The following MAP4K4 variants were observed in gnomAD, a reference collection of about 807,000 sequenced individuals.
The protein encoded by MAP4K4 is HPK/GCK-like kinase HGK.
In MAP4K4, 38 loss-of-function variants were observed where a neutral mutation model predicts 189.6. The ratio of observed to expected loss-of-function variants is 0.20; its 90% CI spans 0.15 to 0.26. The LOEUF (loss-of-function observed/expected upper bound fraction) is 0.26, where lower values mean the gene tolerates loss of function less well. MAP4K4 is among the 10% of genes least tolerant of loss of function. The pLI is 1.00. For synonymous variants in MAP4K4, 610 were observed against 624.3 expected (o/e 0.98, Z 0.34); for missense variants, 1,054 against 1,726.9 (o/e 0.61, Z 6.91).
intron 3 of MAP4K4, among the ~76,000 whole-genome samples, chr2:101,804,358 T>C (rs1242462847): frequency 6.6e-6 from 1 of 152,208 alleles, no homozygotes; most frequent in African/African-American, 2.4e-5. Context: ...AATGATTTCA[T>C]GGTGGGGTGA....
intron 2 of MAP4K4, among the ~76,000 whole-genome samples, chr2:101,709,200 G>C (rs2044052818): frequency 6.6e-6 from 1 of 151,882 alleles, no homozygotes; most frequent in Admixed American, 6.6e-5. Flanking sequence ...TCATTACTGT[G>C]AGTTTATTTA....
intron 3 of MAP4K4, among the ~76,000 whole-genome samples, chr2:101,812,194 G>A (rs182450472): frequency 6.6e-5 from 10 of 152,284 alleles, no homozygotes; most frequent in Admixed American, 3.9e-4. Flanking sequence ...GCCACCCCAT[G>A]AGAGTTCTAG....
intron 3 of MAP4K4, among the ~76,000 whole-genome samples, chr2:101,801,754 T>C (rs547755332): frequency 3.0e-4 from 45 of 152,302 alleles, no homozygotes; most frequent in African/African-American, 1.1e-3. Context: ...GAGTGCTGCA[T>C]TGATGTATCA....
At chr2:101,844,042 C>A in intron 11 of MAP4K4, 59 bp from the exon 12 acceptor site, 1 of 1,185,514 alleles carries the variant, frequency 8.4e-7, no homozygotes, top group Non-Finnish European at 1.2e-6. Context: ...GTGCTATTGA[C>A]TCACTTATAG....
At chr2:101,842,729 G>A in intron 11 of MAP4K4, 48 bp downstream of exon 11, 2 of 1,468,568 alleles carry the variant, frequency 1.4e-6, no homozygotes, top group Non-Finnish European at 1.9e-6. Flanking sequence ...AAGGGATTAA[G>A]TTTTATGTTG....
intron 7 of MAP4K4, 66 bp from the exon 8 acceptor site, chr2:101,834,343 C>G: frequency 8.2e-7 from 1 of 1,213,958 alleles, no homozygotes; most frequent in African/African-American, 1.5e-5. Flanking sequence ...TGTGAATACC[C>G]AGACATGTAA....
At chr2:101,874,595 C>T (rs1018810082) in intron 26 of MAP4K4, among the ~76,000 whole-genome samples, 3 of 151,906 alleles carry the variant, frequency 2.0e-5, no homozygotes, top group Admixed American at 1.3e-4. Context: ...TACATTGTAC[C>T]CCTGAACCCT....
chr2:101,755,205 T>A (rs2071736672), intron 2 of MAP4K4, among the ~76,000 whole-genome samples: 1 of 151,602 alleles, frequency 6.6e-6, no homozygotes, highest in Non-Finnish European at 1.5e-5. Flanking sequence ...TTTTCTTTCT[T>A]CCCTTGAAAG....
chr2:101,747,121 G>T (rs1423666001), intron 2 of MAP4K4, among the ~76,000 whole-genome samples: 7 of 151,432 alleles, frequency 4.6e-5, no homozygotes, highest in South Asian at 2.1e-4. Context: ...CTTTTTTTTT[G>T]TTTGTTTTGT....
intron 3 of MAP4K4, among the ~76,000 whole-genome samples, chr2:101,820,735 C>G (rs908041109): frequency 6.6e-6 from 1 of 152,202 alleles, no homozygotes; most frequent in African/African-American, 2.4e-5. Context: ...AGGCCACTCA[C>G]TGCTTGGTCA....
chr2:101,841,861 T>G (rs1019951193), intron 10 of MAP4K4, among the ~76,000 whole-genome samples: 13 of 152,176 alleles, frequency 8.5e-5, no homozygotes, highest in African/African-American at 2.9e-4. Context: ...TTGATTGATT[T>G]CTGGAGTGAA....
At chr2:101,838,239 G>A (rs1016764715) in intron 9 of MAP4K4, among the ~76,000 whole-genome samples, 1 of 152,112 alleles carries the variant, frequency 6.6e-6, no homozygotes, top group Non-Finnish European at 1.5e-5. Context: ...TCTGGTCTGG[G>A]GAGTGACTCA....
chr2:101,874,284 A>AT, intron 26 of MAP4K4, 32 bp downstream of exon 26: 2 of 1,576,754 alleles, frequency 1.3e-6, no homozygotes, highest in Non-Finnish European at 1.7e-6. Context: ...CAACACTTTC[A>AT]TTTTTGTTCT....
intron 12 of MAP4K4, among the ~76,000 whole-genome samples, chr2:101,849,088 CA>C (rs1240645172): frequency 6.6e-6 from 1 of 152,082 alleles, no homozygotes; most frequent in African/African-American, 2.4e-5. Flanking sequence ...GTGAATTACC[CA>C]GATTCAGAAA....
At chr2:101,790,888 C>A in intron 3 of MAP4K4, 112 bp downstream of exon 3, 1 of 921,754 alleles carries the variant, frequency 1.1e-6, no homozygotes, top group Non-Finnish European at 1.7e-6. Context: ...AACAAATTGC[C>A]CTCCTGTGAC....
intron 3 of MAP4K4, among the ~76,000 whole-genome samples, chr2:101,820,012 A>G (rs1187805543): frequency 6.6e-6 from 1 of 152,220 alleles, no homozygotes; most frequent in Non-Finnish European, 1.5e-5. Flanking sequence ...TTAAGAGTAT[A>G]AGAACTAAAA....
intron 2 of MAP4K4, among the ~76,000 whole-genome samples, chr2:101,742,860 C>T (rs2063472739): frequency 6.6e-6 from 1 of 152,198 alleles, no homozygotes; most frequent in South Asian, 2.1e-4. Context: ...CTCTACCTTT[C>T]TGCCTAAGCA....
chr2:101,815,768 C>G (rs550102370), intron 3 of MAP4K4, among the ~76,000 whole-genome samples: 1 of 152,312 alleles, frequency 6.6e-6, no homozygotes, highest in South Asian at 2.1e-4. Flanking sequence ...AGGCCAGAGT[C>G]TTCTGAGTCC....
chr2:101,698,573 T>C (rs762644579), intron 2 of MAP4K4, 35 bp downstream of exon 2: 23 of 1,594,334 alleles, frequency 1.4e-5, no homozygotes, highest in Non-Finnish European at 1.8e-5. Flanking sequence ...TCCCGTGGCA[T>C]GTGGAAACTT....
Sources: allele counts gnomAD v4.1 joint callset (sites outside exome capture counted in the v4.1 genomes callset), GRCh38; gene constraint gnomAD v4.1.1; transcripts MANE v1.5; gene names NCBI Gene and HGNC (gene_info 2026-07-23, HGNC 2026-07-21).